KIAA1217: variants seen among roughly 807,000 people sequenced by gnomAD.
KIAA1217 encodes the protein sickle tail protein homolog.
A neutral mutation model predicts 163.9 loss-of-function variants in KIAA1217; 88 were observed. The observed-to-expected ratio is 0.54, with a 90% CI of 0.45 to 0.64. The LOEUF (loss-of-function observed/expected upper bound fraction) is 0.64. Among genes scored for constraint, KIAA1217 ranks in the 30% least tolerant of loss-of-function variants. KIAA1217 has a pLI of 0.00. For missense variants in KIAA1217, 2,372 were observed against 2,475.0 expected, an observed-to-expected ratio of 0.96 and a Z score of 0.88; for synonymous variants, 903 against 923.1, an observed-to-expected ratio of 0.98 and a Z score of 0.39.
intron 2 of KIAA1217, among the ~76,000 whole-genome samples, chr10:24,262,246 G>A (rs1398621514): frequency 2.0e-5 from 3 of 152,146 alleles, no homozygotes; most frequent in African/African-American, 7.2e-5. Context: ...CAAGTCCTAG[G>A]AGTCTGAGCA....
chr10:24,364,208 A>G (rs61848092), intron 2 of KIAA1217, among the ~76,000 whole-genome samples: 2,456 of 152,010 alleles, frequency 0.016, 40 homozygotes, highest in Non-Finnish European at 0.026. Context: ...CGAACTCCTG[A>G]GCTCAGGTGA....
chr10:23,980,154 T>A (rs1564583034), intron 1 of KIAA1217, among the ~76,000 whole-genome samples: 1 of 152,162 alleles, frequency 6.6e-6, no homozygotes, highest in East Asian at 1.9e-4. Flanking sequence ...GGTCTGTCCC[T>A]TTCAGGCAGG....
At chr10:24,088,250 A>AT (rs565134967) in intron 2 of KIAA1217, among the ~76,000 whole-genome samples, 1 of 109,324 alleles carries the variant, frequency 9.1e-6, no homozygotes, top group African/African-American at 2.9e-5. Context: ...CTGTTTTTTT[A>AT]ATATACATAT....
At chr10:24,514,369 C>T (rs187962792) in intron 10 of KIAA1217, among the ~76,000 whole-genome samples, 21 of 152,316 alleles carry the variant, frequency 1.4e-4, no homozygotes, top group African/African-American at 3.8e-4. Flanking sequence ...AAGCATTGTG[C>T]TCAGTCACCT....
chr10:24,115,210 C>T (rs562748099), intron 2 of KIAA1217, among the ~76,000 whole-genome samples: 130 of 152,326 alleles, frequency 8.5e-4, no homozygotes, highest in African/African-American at 2.9e-3. Flanking sequence ...CAGCACAGCA[C>T]CTGCGTATAG....
intron 2 of KIAA1217, among the ~76,000 whole-genome samples, chr10:24,188,668 A>G (rs540933670): frequency 6.6e-6 from 1 of 152,090 alleles, no homozygotes; most frequent in East Asian, 1.9e-4. Flanking sequence ...TTGGGCCTTA[A>G]AGAATCAAGT....
At chr10:23,940,186 G>A (rs1843697196) in intron 1 of KIAA1217, among the ~76,000 whole-genome samples, 1 of 151,864 alleles carries the variant, frequency 6.6e-6, no homozygotes, top group Admixed American at 6.6e-5. Flanking sequence ...TTGGCTGAGT[G>A]CAGTGGCTCA....
At position 23,776,422 on chromosome 10, in the gene KIAA1217, T is replaced by C. The variant is rs553538826; in HGVS notation, c.-321+81188T>C. Among the ~76,000 whole-genome samples the C allele has an allele frequency of 5.3e-5, 8 of 151,600 alleles. No homozygotes were observed. In the South Asian group the frequency reaches 1.7e-3, roughly 31 times the overall value. On this transcript the variant is annotated intron_variant, in intron 1 of 18. Coordinates refer to the KIAA1217 transcript ENST00000376462. ...CTATGCCTAATTCATTATTGCTTTA[T>C]TCACCCATTTATCTCATATATTTAT... is the stretch of plus-strand genomic sequence containing the variant.
intron 3 of KIAA1217, among the ~76,000 whole-genome samples, chr10:24,424,603 T>G: frequency 6.6e-6 from 1 of 152,128 alleles, no homozygotes; most frequent in East Asian, 1.9e-4. Flanking sequence ...CTGTTTTTTG[T>G]TTTTGTTTTT....
chr10:24,402,342 TA>T (rs1478883933), intron 3 of KIAA1217, among the ~76,000 whole-genome samples: 66 of 151,600 alleles, frequency 4.4e-4, no homozygotes, highest in Non-Finnish European at 7.7e-4. Context: ...CTGTCTCTAC[TA>T]AAAAATACAC....
intron 2 of KIAA1217, among the ~76,000 whole-genome samples, chr10:24,058,036 A>G (rs1260357974): frequency 6.6e-6 from 1 of 152,132 alleles, no homozygotes; most frequent in Non-Finnish European, 1.5e-5. Flanking sequence ...TTCAGGTCTT[A>G]TGTTTAAATT....
At position 24,088,256 on chromosome 10, in the gene KIAA1217, C is replaced by CATATATATATATATATAT. The variant is rs758367708; in HGVS notation, c.-171+80884_-171+80901dup. 4.9e-4 allele frequency among the ~76,000 whole-genome samples: 47 copies of CATATATATATATATATAT among 95,852 alleles called. 3 individuals carry two copies. The highest frequency in any genetic ancestry group is 1.0e-3 in the African/African-American group (30 of 29,804). The allele number at this position is 95,852 out of a possible 152,430, so 62.9% of individuals were successfully genotyped here. On this transcript the variant is annotated intron_variant, in intron 2 of 18. Transcript: ENST00000376462. ...TCCCAGGCTCTGTTTTTTTAATATA[C>CATATATATATATATATAT]ATATATATATATATATATACACACA...
At chr10:24,413,801 T>C (rs939452167) in intron 3 of KIAA1217, among the ~76,000 whole-genome samples, 2 of 152,220 alleles carry the variant, frequency 1.3e-5, no homozygotes, top group African/African-American at 4.8e-5. Context: ...GATGTGCAAC[T>C]ACTATGAATA....
chr10:23,970,277 C>T (rs1007730290), intron 1 of KIAA1217, among the ~76,000 whole-genome samples: 1 of 152,140 alleles, frequency 6.6e-6, no homozygotes, highest in Non-Finnish European at 1.5e-5. Context: ...ACATTTAGTT[C>T]TATGTTCTAT....
At chr10:23,738,853 C>T (rs987823807) in intron 1 of KIAA1217, among the ~76,000 whole-genome samples, 12 of 152,000 alleles carry the variant, frequency 7.9e-5, no homozygotes, top group East Asian at 7.7e-4. Context: ...ACTTTCATGG[C>T]GGTTATATTA....
chr10:23,854,407 A>G (rs897330572), intron 1 of KIAA1217, among the ~76,000 whole-genome samples: 7 of 151,806 alleles, frequency 4.6e-5, no homozygotes, highest in African/African-American at 9.7e-5. Flanking sequence ...GTTCTTTTAC[A>G]TTTTCTGAGG....
At chr10:24,295,320 C>T (rs190946439) in intron 2 of KIAA1217, among the ~76,000 whole-genome samples, 36 of 152,258 alleles carry the variant, frequency 2.4e-4, no homozygotes, top group Admixed American at 6.5e-4. Flanking sequence ...CTGGTAACTG[C>T]TTGTCAGATG....
At position 24,300,973 on chromosome 10, in the gene KIAA1217, C is replaced by T. The variant is rs963173197; in HGVS notation, c.355-79896C>T. On this transcript the variant is annotated intron_variant, in intron 2 of 20. Coordinates refer to ENST00000376454, the MANE Select transcript of KIAA1217 (RefSeq NM_019590.5). ...GATTACAGGCACCAGCCACCACGCC[C>T]GGCTGATTTTTGTATTTTTAGTAGG... Among the ~76,000 whole-genome samples the T allele has an allele frequency of 3.2e-4, 49 of 152,162 alleles. 1 individual carries two copies. Among genetic ancestry groups the T allele is most frequent in the Middle Eastern group, 6.8e-3 (2 of 294 alleles).
rs141523767 is a variant in KIAA1217 at position 24,299,715 on chromosome 10, A to G, written c.354+79806A>G. 2.3e-3 allele frequency among the ~76,000 whole-genome samples: 355 copies of G among 152,166 alleles called. 2 individuals are homozygous for G. Among genetic ancestry groups the G allele is most frequent in the African/African-American group, 8.0e-3 (332 of 41,508 alleles). On this transcript the variant is annotated intron_variant, in intron 2 of 20. Coordinates refer to ENST00000376454, the MANE Select transcript of KIAA1217 (RefSeq NM_019590.5). ...GACTCAATCTAGTTTTTTCCTTTTC[A>G]GTAGTCACTTTTACGCTTATGAGTA... is the stretch of plus-strand genomic sequence containing the variant.
Sources: gnomAD v4.1 joint callset for allele counts (sites outside exome capture counted in the v4.1 genomes callset) on GRCh38, gnomAD v4.1.1 for gene constraint, MANE v1.5 for transcripts, NCBI Gene and HGNC (gene_info 2026-07-23, HGNC 2026-07-21) for gene names.